CBFB: variants seen among roughly 807,000 people sequenced by gnomAD.
The protein encoded by CBFB is core-binding factor subunit beta.
CBFB carries 9 observed loss-of-function variants against 30.4 expected under a neutral mutation model. The ratio of observed to expected loss-of-function variants is 0.30; its 90% CI spans 0.18 to 0.52. The LOEUF (loss-of-function observed/expected upper bound fraction) is 0.52, where lower values mean the gene tolerates loss of function less well. Among genes scored for constraint, CBFB ranks in the 20% least tolerant of loss-of-function variants. The pLI is 0.97. For missense variants in CBFB, 170 were observed against 244.0 expected (o/e 0.70, Z 2.02); for synonymous variants, 94 against 84.0 (o/e 1.12, Z -0.65).
rs56360240 is a variant in CBFB at position 67,066,393 on chromosome 16, C to CAAAAAAAAAAAAAAAA, written c.283-287_283-272dup. Reference sequence around the variant, plus strand: ...TGAAACCCCATCTCTACTAAAAATACAAAAAAAAAAAAAAAAATTAGCCAG... The same window carrying CAAAAAAAAAAAAAAAA: ...TGAAACCCCATCTCTACTAAAAATACAAAAAAAAAAAAAAAAAAAAAAAAAAAAAAAAATTAGCCAG... On this transcript the variant is annotated intron_variant, in intron 3 of 5. Coordinates refer to ENST00000412916, the MANE Select transcript of CBFB (RefSeq NM_022845.3). 6.6e-4 allele frequency among the ~76,000 whole-genome samples: 63 copies of CAAAAAAAAAAAAAAAA among 96,030 alleles called. 5 individuals carry two copies. Among genetic ancestry groups the CAAAAAAAAAAAAAAAA allele is most frequent in the African/African-American group, 3.1e-3 (55 of 17,676 alleles). The allele number at this position is 96,030 out of a possible 152,430, so 63.0% of individuals were successfully genotyped here.
intron 2 of CBFB, among the ~76,000 whole-genome samples, chr16:67,030,610 A>G (rs1966322708): frequency 6.6e-6 from 1 of 151,966 alleles, no homozygotes; most frequent in Admixed American, 6.6e-5. Context: ...GATTATTACT[A>G]TTTTTTTGAG....
At chr16:67,044,627 A>G (rs1033814169) in intron 3 of CBFB, among the ~76,000 whole-genome samples, 11 of 152,214 alleles carry the variant, frequency 7.2e-5, no homozygotes, top group African/African-American at 2.4e-4. Flanking sequence ...GAGTGAGGAC[A>G]GAATTTTATT....
At chr16:67,098,575 T>G in intron 5 of CBFB, 135 bp from the exon 6 acceptor site, 1 of 575,690 alleles carries the variant, frequency 1.7e-6, no homozygotes. Context: ...TTTTTGCCTG[T>G]TACATGTGAC....
At chr16:67,032,802 C>A (rs898789754) in intron 2 of CBFB, among the ~76,000 whole-genome samples, 1 of 152,208 alleles carries the variant, frequency 6.6e-6, no homozygotes, top group African/African-American at 2.4e-5. Context: ...GCAAGGATAT[C>A]CATAGTTCTC....
chr16:67,097,288 G>C (rs1036432049), intron 5 of CBFB, among the ~76,000 whole-genome samples: 2 of 152,202 alleles, frequency 1.3e-5, no homozygotes, highest in African/African-American at 4.8e-5. Context: ...GCTCACGCCT[G>C]TAATCCCAGC....
At chr16:67,048,581 C>G (rs1021649907) in intron 3 of CBFB, among the ~76,000 whole-genome samples, 6 of 152,088 alleles carry the variant, frequency 3.9e-5, no homozygotes, top group African/African-American at 1.4e-4. Context: ...GACAGAGTCT[C>G]GCTCTGTTGT....
Position 67,058,778 on chromosome 16 carries a change from T to C in CBFB, c.283-7904T>C, listed in dbSNP as rs534031334. The stretch of plus-strand genomic sequence containing the variant: ...AATGATCACACCCTCTTACGTTTTC[T>C]TAATACGTCAGTTTATAGACTAGAG... On this transcript the variant is annotated intron_variant, in intron 3 of 5. Transcript: ENST00000412916. 5.3e-5 allele frequency among the ~76,000 whole-genome samples: 8 copies of C among 152,368 alleles called. No homozygotes were observed. The South Asian group carries it at 1.2e-3, about 24-fold the overall frequency.
At chr16:67,033,038 C>T (rs1054679772) in intron 2 of CBFB, among the ~76,000 whole-genome samples, 1 of 152,130 alleles carries the variant, frequency 6.6e-6, no homozygotes, top group Admixed American at 6.5e-5. Flanking sequence ...CCATGCCCAG[C>T]TAATTTTTGT....
At chr16:67,089,190 T>A (rs150178165) in intron 5 of CBFB, among the ~76,000 whole-genome samples, 1 of 152,314 alleles carries the variant, frequency 6.6e-6, no homozygotes, top group African/African-American at 2.4e-5. Context: ...GTTAGTAACC[T>A]TTACCAAATA....
chr16:67,083,200 A>AT (rs886596824), intron 5 of CBFB, among the ~76,000 whole-genome samples: 5 of 152,142 alleles, frequency 3.3e-5, no homozygotes, highest in Non-Finnish European at 7.4e-5. Flanking sequence ...TAAATAATAC[A>AT]TAAATAAACC....
At chr16:67,066,432 C>T (rs954277255) in intron 3 of CBFB, among the ~76,000 whole-genome samples, 2 of 144,512 alleles carry the variant, frequency 1.4e-5, no homozygotes, top group African/African-American at 5.3e-5. Context: ...TGATGGTGAG[C>T]GCCTGTAATC....
chr16:67,067,842 G>C (rs1288709099), intron 4 of CBFB, among the ~76,000 whole-genome samples: 1 of 152,218 alleles, frequency 6.6e-6, no homozygotes, highest in Non-Finnish European at 1.5e-5. Flanking sequence ...CAAAATGGCA[G>C]ACCAGCCAGA....
intron 3 of CBFB, among the ~76,000 whole-genome samples, chr16:67,052,043 C>T (rs556217335): frequency 6.6e-6 from 1 of 152,008 alleles, no homozygotes; most frequent in African/African-American, 2.4e-5. Flanking sequence ...TCTCAGCTCT[C>T]TGCAACCTCT....
rs905758886 is a variant in CBFB, at chr16:67,036,418, G to C, written c.166-221G>C. 6.2e-6 allele frequency: 3 copies of C among 482,206 alleles called. No individual in the cohort carries two copies. The East Asian group carries it at 9.2e-5, about 15-fold the overall frequency. The allele number at this position is 482,206 out of a possible 1,614,324, so 29.9% of individuals were successfully genotyped here. ...GAAAGAAAGTATTGATTCCATGTCT[G>C]ATTTTATACTTAAGCAGCCAATGGC... On this transcript the variant is annotated intron_variant, in intron 2 of 5. Transcript: ENST00000412916.
At position 67,066,708 on chromosome 16, in the gene CBFB, G is replaced by A; in HGVS notation, c.309G>A (p.Leu103=). The change falls in exon 4 of 6, where the codon CTG becomes CTA. Residue 103 remains leucine (L), a synonymous_variant. Transcript: ENST00000412916. ...TATATTTGAAGGCTCCCATGATTCT[G>A]AATGGAGTCTGTGTTATCTGGAAAG... ...GKVYLKAPMI[L]NGVCVIWKGW... 1 of 1,606,402 alleles carries A rather than the reference G, an allele frequency of 6.2e-7. No homozygotes were observed. Among genetic ancestry groups the A allele is most frequent in the Non-Finnish European group, 8.5e-7 (1 of 1,175,352 alleles).
chr16:67,043,976 G>A (rs574180154), intron 3 of CBFB, among the ~76,000 whole-genome samples: 1 of 152,324 alleles, frequency 6.6e-6, no homozygotes, highest in South Asian at 2.1e-4. Flanking sequence ...GCTGTCAAAA[G>A]ACAAGGGAAA....
chr16:67,048,507 C>T (rs1049298722), intron 3 of CBFB, among the ~76,000 whole-genome samples: 4 of 152,054 alleles, frequency 2.6e-5, no homozygotes, highest in African/African-American at 9.7e-5. Context: ...AAAATTGAAA[C>T]GAAAGTCAGC....
At chr16:67,049,894 T>C (rs2145729407) in intron 3 of CBFB, among the ~76,000 whole-genome samples, 1 of 152,248 alleles carries the variant, frequency 6.6e-6, no homozygotes, top group South Asian at 2.1e-4. Context: ...TTTTAGAACA[T>C]ATCTGGTGAT....
chr16:67,087,517 T>G (rs770020481), intron 5 of CBFB, among the ~76,000 whole-genome samples: 2 of 152,222 alleles, frequency 1.3e-5, no homozygotes, highest in African/African-American at 2.4e-5. Context: ...ATTGTGACAC[T>G]GCACTCCAGC....
Sources: allele counts gnomAD v4.1 joint callset (sites outside exome capture counted in the v4.1 genomes callset), GRCh38; gene constraint gnomAD v4.1.1; transcripts MANE v1.5; gene names NCBI Gene and HGNC (gene_info 2026-07-23, HGNC 2026-07-21).